The following POU6F2 variants were observed in gnomAD, a reference collection of about 807,000 sequenced individuals.
The protein encoded by POU6F2 is POU class 6 homeobox 2.
Under a neutral mutation model 71.3 loss-of-function variants are expected in POU6F2, and 31 were observed. The observed-to-expected ratio is 0.43, with a 90% CI of 0.33 to 0.59. The LOEUF (loss-of-function observed/expected upper bound fraction) is 0.59. Among genes scored for constraint, POU6F2 ranks in the 20% least tolerant of loss-of-function variants. The pLI is 0.04. For synonymous variants in POU6F2, 347 were observed against 355.7 expected (o/e 0.98, Z 0.27); for missense variants, 783 against 856.8 (o/e 0.91, Z 1.07).
intron 1 of POU6F2, chr7:39,006,852 G>T: frequency 6.2e-7 from 1 of 1,613,720 alleles, no homozygotes; most frequent in South Asian, 1.1e-5. Context: ...AGTGGCAAAT[G>T]AGTGCTCTTC....
chr7:39,396,781 C>G (rs1194455819), intron 5 of POU6F2, among the ~76,000 whole-genome samples: 1 of 152,102 alleles, frequency 6.6e-6, no homozygotes, highest in Non-Finnish European at 1.5e-5. Context: ...GGGAAGGCAG[C>G]CTCTTCAGCT....
At chr7:39,341,798 T>C (rs1785922646) in intron 5 of POU6F2, among the ~76,000 whole-genome samples, 2 of 152,304 alleles carry the variant, frequency 1.3e-5, no homozygotes, top group Middle Eastern at 3.4e-3. Flanking sequence ...GTTTTATAAA[T>C]TTCTGTTGGC....
intron 1 of POU6F2, among the ~76,000 whole-genome samples, chr7:39,023,882 A>T (rs1789736052): frequency 6.6e-6 from 1 of 152,080 alleles, no homozygotes; most frequent in Non-Finnish European, 1.5e-5. Flanking sequence ...TTGGTGAAAG[A>T]GCCAGGATTC....
At chr7:39,295,027 C>A (rs1583503724) in intron 4 of POU6F2, among the ~76,000 whole-genome samples, 1 of 152,214 alleles carries the variant, frequency 6.6e-6, no homozygotes, top group East Asian at 1.9e-4. Context: ...TTCAGAGAAA[C>A]AGATTATGAA....
At chr7:39,344,031 A>G (rs987060446) in intron 5 of POU6F2, among the ~76,000 whole-genome samples, 1 of 152,196 alleles carries the variant, frequency 6.6e-6, no homozygotes, top group Non-Finnish European at 1.5e-5. Context: ...TTTTATCCTC[A>G]GAGAGTCACT....
chr7:39,070,441 G>A (rs1029939164), intron 1 of POU6F2, among the ~76,000 whole-genome samples: 1 of 151,168 alleles, frequency 6.6e-6, no homozygotes, highest in African/African-American at 2.5e-5. Context: ...CTTTTGGAAG[G>A]CACATCAGAC....
At chr7:39,056,237 G>A (rs2128714860) in intron 1 of POU6F2, among the ~76,000 whole-genome samples, 1 of 151,948 alleles carries the variant, frequency 6.6e-6, no homozygotes, top group African/African-American at 2.4e-5. Context: ...CAGGATAGAT[G>A]TTGTATGTTG....
intron 5 of POU6F2, among the ~76,000 whole-genome samples, chr7:39,375,929 G>T (rs185225657): frequency 6.6e-6 from 1 of 152,208 alleles, no homozygotes; most frequent in African/African-American, 2.4e-5. Flanking sequence ...GGCAGTAGGG[G>T]ATCATGACTA....
intron 4 of POU6F2, among the ~76,000 whole-genome samples, chr7:39,225,007 C>T (rs1291550458): frequency 6.6e-6 from 1 of 152,186 alleles, no homozygotes; most frequent in Non-Finnish European, 1.5e-5. Flanking sequence ...ACTCCAACCA[C>T]TTCTCACTTG....
chr7:39,176,789 AAAC>A (rs1793339776), intron 2 of POU6F2, among the ~76,000 whole-genome samples: 1 of 152,232 alleles, frequency 6.6e-6, no homozygotes, highest in Non-Finnish European at 1.5e-5. Context: ...AATACCGTGA[AAAC>A]ATCATGCTAG....
At chr7:39,150,662 T>A (rs534306670) in intron 2 of POU6F2, among the ~76,000 whole-genome samples, 27 of 151,842 alleles carry the variant, frequency 1.8e-4, no homozygotes, top group African/African-American at 5.6e-4. Flanking sequence ...CAGATGGGGT[T>A]TCGTCATGTT....
chr7:39,046,198 A>G (rs1033720233), intron 1 of POU6F2, among the ~76,000 whole-genome samples: 3 of 151,876 alleles, frequency 2.0e-5, no homozygotes, highest in African/African-American at 7.3e-5. Flanking sequence ...TGCGTTTCTC[A>G]AATTACTAAA....
At chr7:39,404,657 G>T (rs1787380017) in intron 5 of POU6F2, 1 of 152,112 alleles carries the variant, frequency 6.6e-6, no homozygotes, top group African/African-American at 2.4e-5. Flanking sequence ...AATTCATTAT[G>T]ATTTCAACTT....
intron 5 of POU6F2, among the ~76,000 whole-genome samples, chr7:39,373,909 G>A (rs1184224041): frequency 2.0e-5 from 3 of 152,002 alleles, no homozygotes; most frequent in African/African-American, 4.8e-5. Context: ...AATGGATTTT[G>A]AAAAATAAAA....
At chr7:39,194,608 A>G (rs62443960) in intron 2 of POU6F2, among the ~76,000 whole-genome samples, 15,576 of 151,718 alleles carry the variant, frequency 0.1, 897 homozygotes, top group Middle Eastern at 0.14. Flanking sequence ...ACCAATCAGC[A>G]GGATGTGGGC....
intron 2 of POU6F2, among the ~76,000 whole-genome samples, chr7:39,110,978 C>T (rs373664256): frequency 6.6e-6 from 1 of 151,458 alleles, no homozygotes; most frequent in African/African-American, 2.4e-5. Context: ...TAGTATGTCA[C>T]AGAATTATAT....
chr7:39,025,368 CCAAAACAG>C (rs1387735350), intron 1 of POU6F2, among the ~76,000 whole-genome samples: 3 of 152,094 alleles, frequency 2.0e-5, no homozygotes, highest in African/African-American at 7.2e-5. Flanking sequence ...GCTATAGTAA[CCAAAACAG>C]CATGGTACTG....
At chr7:39,171,643 T>C (rs951517907) in intron 2 of POU6F2, among the ~76,000 whole-genome samples, 1 of 152,208 alleles carries the variant, frequency 6.6e-6, no homozygotes, top group Admixed American at 6.5e-5. Flanking sequence ...CCATCCCTGA[T>C]AGACTTGTGC....
At chr7:39,083,191 T>C (rs1338860723) in intron 1 of POU6F2, among the ~76,000 whole-genome samples, 1 of 152,218 alleles carries the variant, frequency 6.6e-6, no homozygotes, top group African/African-American at 2.4e-5. Context: ...ATATTCTTTC[T>C]TAAGTTTACC....
Sources: allele counts gnomAD v4.1 joint callset (sites outside exome capture counted in the v4.1 genomes callset), GRCh38; gene constraint gnomAD v4.1.1; transcripts MANE v1.5; gene names NCBI Gene and HGNC (gene_info 2026-07-23, HGNC 2026-07-21).